Variants in COG4 observed in about 807,000 individuals in gnomAD.
COG4 encodes the protein conserved oligomeric Golgi complex subunit 4.
COG4 carries 65 observed loss-of-function variants against 95.1 expected under a neutral mutation model. That is an observed-to-expected ratio of 0.68 (90% confidence interval 0.56 to 0.84). The LOEUF is 0.84. Among genes scored for constraint, COG4 ranks in the 40% least tolerant of loss-of-function variants. COG4 has a pLI of 0.00. For missense variants in COG4, 1,045 were observed against 989.1 expected (o/e 1.06, Z -0.76); for synonymous variants, 421 against 374.8 (o/e 1.12, Z -1.42).
chr16:70,486,918 C>T (rs567451794), intron 13 of COG4, among the ~76,000 whole-genome samples: 36 of 151,362 alleles, frequency 2.4e-4, no homozygotes, highest in Non-Finnish European at 3.5e-4. Flanking sequence ...TCGCTTGAAT[C>T]CGGGAGGTGG....
At chr16:70,502,036 C>G (rs956082319) in intron 8 of COG4, among the ~76,000 whole-genome samples, 1 of 151,912 alleles carries the variant, frequency 6.6e-6, no homozygotes, top group Non-Finnish European at 1.5e-5. Flanking sequence ...GTAATCCCAA[C>G]ACTTTGGGAG....
intron 6 of COG4, among the ~76,000 whole-genome samples, 164 bp from the exon 7 acceptor site, chr16:70,509,552 A>G (rs1020547397): frequency 6.6e-6 from 1 of 152,216 alleles, no homozygotes; most frequent in Non-Finnish European, 1.5e-5. Flanking sequence ...TGCTAGGCAA[A>G]TATGTTAAAT....
At chr16:70,507,274 A>AC (rs201591868) in intron 8 of COG4, among the ~76,000 whole-genome samples, 157 of 151,902 alleles carry the variant, frequency 1.0e-3, no homozygotes, top group African/African-American at 3.5e-3. Flanking sequence ...AACAACAACA[A>AC]AAAAAAACTG....
intron 12 of COG4, among the ~76,000 whole-genome samples, chr16:70,495,153 G>A (rs1029745957): frequency 6.6e-6 from 1 of 151,768 alleles, no homozygotes; most frequent in African/African-American, 2.4e-5. Context: ...CACTTTGGGA[G>A]GCCAAGACGG....
chr16:70,494,101 A>G (rs1398367873), intron 12 of COG4, among the ~76,000 whole-genome samples: 1 of 152,176 alleles, frequency 6.6e-6, no homozygotes, highest in African/African-American at 2.4e-5. Flanking sequence ...CTGATTGTGG[A>G]CAGATAAGCC....
At chr16:70,490,419 A>G (rs1435408831) in intron 12 of COG4, 27 bp from the exon 13 acceptor site, 3 of 1,597,064 alleles carry the variant, frequency 1.9e-6, no homozygotes, top group Admixed American at 1.7e-5. Context: ...GAAGAACGTG[A>G]CTTCCTGCTG....
At chr16:70,497,847 C>T in intron 10 of COG4, 90 bp downstream of exon 10, 1 of 823,732 alleles carries the variant, frequency 1.2e-6, no homozygotes, top group Non-Finnish European at 2.2e-6. Context: ...CAAAGCAGGA[C>T]CAATAAATAT....
At chr16:70,508,793 T>G in intron 7 of COG4, 1 of 569,668 alleles carries the variant, frequency 1.8e-6, no homozygotes, top group Non-Finnish European at 3.3e-6. Flanking sequence ...TACTTTTACT[T>G]TCTCTGCTCA....
chr16:70,501,380 GTC>G lies in COG4; in HGVS notation c.1062-291_1062-290del, dbSNP rs1029170478. The G allele has an allele frequency of 6.4e-5, 24 of 374,984 alleles. 1 individual carries two copies. In the Admixed American group the frequency reaches 7.2e-4, roughly 11 times the overall value. The allele number at this position is 374,984 out of a possible 1,614,324, so 23.2% of individuals were successfully genotyped here. ...TCTTTACTTTTTTTTTTGAGATGGA[GTC>G]TTGCTCTGTTGCCCAGGCTGGAGTG... On this transcript the variant is annotated intron_variant, in intron 8 of 18. Transcript: ENST00000323786.
At chr16:70,492,389 T>C (rs2151746177) in intron 12 of COG4, among the ~76,000 whole-genome samples, 1 of 152,296 alleles carries the variant, frequency 6.6e-6, no homozygotes, top group Non-Finnish European at 1.5e-5. Context: ...CCAGGCGCAG[T>C]GGCTCATGCC....
At chr16:70,490,469 AGCTGTGCTCCATGAAGCTCAGAGAAGG>A in intron 12 of COG4, 77 bp from the exon 13 acceptor site, 1 of 1,202,650 alleles carries the variant, frequency 8.3e-7, no homozygotes, top group South Asian at 1.2e-5. Flanking sequence ...ACTGGCTGAC[AGCTGTGCTCCATGAAGCTCAGAGAAGG>A]GCTGGCTGGA....
chr16:70,508,378 G>A, intron 8 of COG4, 28 bp downstream of exon 8: 1 of 1,590,338 alleles, frequency 6.3e-7, no homozygotes, highest in Non-Finnish European at 8.6e-7. Flanking sequence ...AAACTCCTGT[G>A]GGCTGAAGAA....
intron 4 of COG4, among the ~76,000 whole-genome samples, chr16:70,513,597 T>C (rs1008474299): frequency 6.6e-6 from 1 of 152,182 alleles, no homozygotes; most frequent in Non-Finnish European, 1.5e-5. Flanking sequence ...TATAACAACA[T>C]ACCATGATAA....
chr16:70,508,697 G>A (rs532796190), intron 7 of COG4: 2 of 656,944 alleles, frequency 3.0e-6, no homozygotes, highest in East Asian at 2.9e-5. Context: ...TCATGCTAAT[G>A]GTGTTCCAAT....
intron 8 of COG4, among the ~76,000 whole-genome samples, chr16:70,505,922 A>G (rs9936085): frequency 0.12 from 18,258 of 152,010 alleles, 3,633 homozygotes; most frequent in African/African-American, 0.41. Context: ...AGGCAGGGGG[A>G]ATCACTTGAG....
intron 2 of COG4, among the ~76,000 whole-genome samples, chr16:70,517,987 C>A (rs868753497): frequency 2.0e-5 from 3 of 151,688 alleles, no homozygotes; most frequent in South Asian, 2.1e-4. Context: ...CTGGAGTGCA[C>A]TGGCGCAATC....
intron 5 of COG4, among the ~76,000 whole-genome samples, chr16:70,511,460 G>A (rs2049702969): frequency 6.6e-6 from 1 of 151,968 alleles, no homozygotes; most frequent in Non-Finnish European, 1.5e-5. Flanking sequence ...TGGGGTGGTA[G>A]TCCCAGGACT....
At chr16:70,504,904 G>A (rs1306345550) in intron 8 of COG4, among the ~76,000 whole-genome samples, 4 of 112,722 alleles carry the variant, frequency 3.5e-5, no homozygotes, top group African/African-American at 7.9e-5. Flanking sequence ...GAGCAAGACT[G>A]TCTCAAAAAA....
In COG4 at chr16:70,517,634, G is replaced by C; in HGVS notation, c.361C>G (p.Leu121Val). ...NVSSKVRQLD[L>V]AKNRLYQAIQ... ...AAAGCTTGATGTATTACCTTGGCCAGGTCAAGCTGACGAACTTTGCTGGAC... is the reference window on the plus strand; with the variant it reads ...AAAGCTTGATGTATTACCTTGGCCACGTCAAGCTGACGAACTTTGCTGGAC... The change falls in exon 3 of 19, where the codon CTG becomes GTG. Residue 121 changes from leucine to valine, a missense_variant. Physicochemically the swap from Leu to Val is conservative, Grantham distance 32. Transcript: ENST00000323786. 4 of 1,537,028 alleles carry C rather than the reference G, an allele frequency of 2.6e-6. No individual in the cohort carries two copies. Among genetic ancestry groups the C allele is most frequent in the Non-Finnish European group, 3.6e-6 (4 of 1,115,120 alleles).
Sources: gnomAD v4.1 joint callset for allele counts (sites outside exome capture counted in the v4.1 genomes callset) on GRCh38, gnomAD v4.1.1 for gene constraint, MANE v1.5 for transcripts, NCBI Gene and HGNC (gene_info 2026-07-23, HGNC 2026-07-21) for gene names.